Variants in HDGF observed in about 807,000 individuals in gnomAD.
The protein encoded by HDGF is heparin binding growth factor, also known as hepatoma-derived growth factor.
HDGF carries 5 observed loss-of-function variants against 30.0 expected under a neutral mutation model. The ratio of observed to expected loss-of-function variants is 0.17; its 90% CI spans 0.09 to 0.35. The LOEUF (loss-of-function observed/expected upper bound fraction) is 0.35, where lower values mean the gene tolerates loss of function less well. Among genes scored for constraint, HDGF ranks in the 10% least tolerant of loss-of-function variants. The probability of loss-of-function intolerance (pLI) is 1.00; values close to 1 mark genes in which losing one functional copy is unlikely to be tolerated. For missense variants in HDGF, 214 were observed against 302.8 expected (o/e 0.71, Z 2.18); for synonymous variants, 133 against 112.7 (o/e 1.18, Z -1.14).
chr1:156,748,394 C>A (rs146465264), intron 1 of HDGF, among the ~76,000 whole-genome samples: 11 of 152,298 alleles, frequency 7.2e-5, no homozygotes, highest in African/African-American at 2.6e-4. Flanking sequence ...GCCTTTGTAT[C>A]CAGGCTGTGA....
Position 156,751,088 on chromosome 1 carries a change from C to T in HDGF, c.87+255G>A, listed in dbSNP as rs1033420487. Among the ~76,000 whole-genome samples the T allele has an allele frequency of 1.3e-5, 2 of 152,052 alleles. No individual in the cohort carries two copies. Among genetic ancestry groups the T allele is most frequent in the Middle Eastern group, 3.2e-3 (1 of 316 alleles). ...GAGCTGGGGGCCGGGAAGTGACCGG[C>T]GCCCTCGGATCCCCACGCCGTGAAC... On this transcript the variant is annotated intron_variant, in intron 1 of 5. Transcript: ENST00000357325. The surrounding 1 kb of genome is among the most constrained non-coding windows in gnomAD (Gnocchi z 4.7).
chr1:156,744,130 G>A (rs762829794), intron 4 of HDGF, 33 bp downstream of exon 4: 1 of 1,603,876 alleles, frequency 6.2e-7, no homozygotes, highest in African/African-American at 1.3e-5. Context: ...GGAATGTTGA[G>A]GGGGGCCCAG....
At position 156,743,673 on chromosome 1, in the gene HDGF, G is replaced by A. The variant is rs530319024; in HGVS notation, c.695C>T (p.Pro232Leu). ...TCACCTCTCATGATCTCTGATGCCT[G>A]GGGCCTCAGCATCTTCCTTGGTAGC... Reference protein sequence around the residue: ...EEATKEDAEAPGIRDHESL With the variant: ...EEATKEDAEALGIRDHESL Residue 232 changes from proline to leucine, a missense_variant, in exon 5 of 6, where the codon CCA becomes CTA. Physicochemically the swap from Pro to Leu is moderately conservative, Grantham distance 98. Transcript: ENST00000357325. 19 of 1,610,904 alleles carry A rather than the reference G, an allele frequency of 1.2e-5. No individual in the cohort carries two copies. The African/African-American group carries it at 1.2e-4, about 10-fold the overall frequency.
At chr1:156,767,172 G>A (rs1433027493), upstream of HDGF, among the ~76,000 whole-genome samples, 3 of 152,108 alleles carry the variant, frequency 2.0e-5, no homozygotes, top group African/African-American at 7.2e-5. Flanking sequence ...GACATCACTT[G>A]CAGTTTCTAA....
chr1:156,766,209 AGAG>A (rs1651372208), intron 1 of HDGF, among the ~76,000 whole-genome samples: 1 of 152,170 alleles, frequency 6.6e-6, no homozygotes, highest in Non-Finnish European at 1.5e-5. Context: ...CTCGTCTGAT[AGAG>A]GATTCAAGCT....
At chr1:156,753,785 GTA>G (rs1651096705), upstream of HDGF, among the ~76,000 whole-genome samples, 1 of 152,044 alleles carries the variant, frequency 6.6e-6, no homozygotes, top group African/African-American at 2.4e-5. Context: ...TCCTGATGTC[GTA>G]ATCTGCCCAC....
In HDGF at chr1:156,745,325, G is replaced by A. The variant is rs758093528; in HGVS notation, c.136C>T (p.Gln46Ter). ...AAVKSTANKY[Q>*]VFFFGTHETA... Reference sequence around the variant, plus strand: ...TCGTGGGTCCCGAAAAAAAAGACTTGGTATTTGTTGGCTGTTGATTTCACG... The same window carrying A: ...TCGTGGGTCCCGAAAAAAAAGACTTAGTATTTGTTGGCTGTTGATTTCACG... The change falls in exon 2 of 6, where the codon CAA becomes TAA. Residue 46 changes from glutamine to a stop codon, truncating the protein, a stop_gained. Transcript: ENST00000357325. LOFTEE classifies it high-confidence loss of function. 6.2e-7 allele frequency: 1 copy of A among 1,613,838 alleles called. No homozygotes were observed. The highest frequency in any genetic ancestry group is 1.1e-5 in the South Asian group (1 of 91,056).
chr1:156,744,639 C>T (rs1305740826), intron 3 of HDGF: 2 of 1,005,328 alleles, frequency 2.0e-6, no homozygotes, highest in African/African-American at 3.5e-5. Context: ...CCCGCCAACC[C>T]CCGCCCCCCA....
At chr1:156,758,569 G>A (rs1293234395) in intron 2 of HDGF, among the ~76,000 whole-genome samples, 1 of 143,696 alleles carries the variant, frequency 7.0e-6, no homozygotes, top group African/African-American at 2.5e-5. Flanking sequence ...CTCCAGCCTG[G>A]GTGACAGAGC....
intron 3 of HDGF, chr1:156,744,592 CG>C: frequency 6.7e-7 from 1 of 1,491,702 alleles, no homozygotes. Context: ...GGCAAAACCT[CG>C]GGTCAACTTC....
chr1:156,756,437 C>T (rs1651155380), upstream of HDGF, among the ~76,000 whole-genome samples: 1 of 152,152 alleles, frequency 6.6e-6, no homozygotes, highest in South Asian at 2.1e-4. Flanking sequence ...ACAAAGCTGG[C>T]AATACCACAG....
chr1:156,752,593 A>G (rs1651048661), upstream of HDGF: 3 of 557,260 alleles, frequency 5.4e-6, no homozygotes, highest in Admixed American at 6.4e-5. Context: ...GCATTAAAGA[A>G]TGAGTAGAAT....
intron 5 of HDGF, 71 bp from the exon 6 acceptor site, chr1:156,743,526 C>T (rs373712326): frequency 1.0e-5 from 16 of 1,586,522 alleles, no homozygotes; most frequent in East Asian, 8.9e-5. Context: ...CAGCCAGTGC[C>T]GGTCTCCTAG....
rs915994136 is a variant in HDGF, at chr1:156,751,270, C to A, written c.87+73G>T. On this transcript the variant is annotated intron_variant, in intron 1 of 5. Coordinates refer to ENST00000357325, the MANE Select transcript of HDGF (RefSeq NM_004494.3). This position sits in a 1 kb window ranked among gnomAD's most constrained non-coding sequence, Gnocchi z 4.7. The stretch of plus-strand genomic sequence containing the variant: ...CCACCTCTGCCCGCTCCGCGCGGAG[C>A]GCTCGTGCCCTTCCCGGTGTTATGC... The A allele has an allele frequency of 1.3e-6, 2 of 1,530,746 alleles. No individual in the cohort carries two copies. The highest frequency in any genetic ancestry group is 2.8e-5 in the African/African-American group (2 of 70,828). The allele number at this position is 1,530,746 out of a possible 1,614,324, so 94.8% of individuals were successfully genotyped here.
At chr1:156,757,488 AAAAT>A (rs869146841) in intron 2 of HDGF, among the ~76,000 whole-genome samples, 1 of 138,208 alleles carries the variant, frequency 7.2e-6, no homozygotes, top group East Asian at 2.5e-4. Flanking sequence ...TAAATAAAAT[AAAAT>A]AAATAAATTT....
At chr1:156,752,540 A>AG (rs1390187081), upstream of HDGF, 3 of 618,274 alleles carry the variant, frequency 4.9e-6, no homozygotes, top group Middle Eastern at 4.3e-4. Flanking sequence ...GGAGGTGGGG[A>AG]GGGGGGTCTG....
intron 5 of HDGF, 29 bp from the exon 6 acceptor site, chr1:156,743,484 G>A: frequency 6.4e-7 from 1 of 1,557,126 alleles, no homozygotes; most frequent in Non-Finnish European, 8.7e-7. Context: ...GGGGAGAAGG[G>A]TTAATGGTGT....
intron 1 of HDGF, among the ~76,000 whole-genome samples, chr1:156,750,951 G>A (rs1344099587): frequency 9.2e-5 from 14 of 152,096 alleles, no homozygotes; most frequent in South Asian, 2.1e-4. Flanking sequence ...TCTTAAAGGG[G>A]GTGGCGGCGG....
At chr1:156,752,084 C>T (rs1337889295), upstream of HDGF, 2 of 1,551,570 alleles carry the variant, frequency 1.3e-6, no homozygotes, top group African/African-American at 1.4e-5. Flanking sequence ...TACACGGTTT[C>T]CGCCTGCCCT....
Sources: allele counts gnomAD v4.1 joint callset (sites outside exome capture counted in the v4.1 genomes callset), GRCh38; gene constraint gnomAD v4.1.1; non-coding constraint Gnocchi (gnomAD v3.1); transcripts MANE v1.5; gene names NCBI Gene and HGNC (gene_info 2026-07-23, HGNC 2026-07-21).